Variants in HOXC4 observed in about 807,000 individuals in gnomAD.
HOXC4 encodes the protein homeobox protein Hox-C4.
A neutral mutation model predicts 25.5 loss-of-function variants in HOXC4; 15 were observed. The ratio of observed to expected loss-of-function variants is 0.59; its 90% confidence interval spans 0.39 to 0.91. HOXC4 has a LOEUF of 0.91. HOXC4 is among the 40% of genes least tolerant of loss of function. HOXC4 has a pLI of 0.00. For missense variants in HOXC4, 342 were observed against 352.4 expected (o/e 0.97, Z 0.24); for synonymous variants, 165 against 148.0 (o/e 1.11, Z -0.83).
Position 54,054,168 on chromosome 12 carries a change from G to T in HOXC4, c.246G>T (p.Gly82=), listed in dbSNP as rs748541582. The part of the protein sequence containing the change: ...LQGPGNSRGH[G]PAQAGHHHPE... ...GGCCCGGCAATTCGCGAGGCCACGG[G>T]CCGGCCCAGGCGGGCCACCACCACC... Residue 82 remains glycine, a synonymous_variant, in exon 1 of 2, where the codon GGG becomes GGT. Transcript: ENST00000430889. 8 of 1,613,524 alleles carry T rather than the reference G, an allele frequency of 5.0e-6. No individual in the cohort carries two copies. The African/African-American group carries it at 8.0e-5, about 16-fold the overall frequency.
chr12:54,044,095 C>T (rs1173728668), intron 1 of HOXC4, among the ~76,000 whole-genome samples: 1 of 151,920 alleles, frequency 6.6e-6, no homozygotes, highest in Non-Finnish European at 1.5e-5. Context: ...AAGACAGGGT[C>T]ATAAACGCCT....
upstream of HOXC4, among the ~76,000 whole-genome samples, chr12:54,052,240 CAA>C (rs1453509859): frequency 6.6e-6 from 1 of 152,192 alleles, no homozygotes; most frequent in Non-Finnish European, 1.5e-5. Flanking sequence ...GCCGCCGACA[CAA>C]AGAGTGCGGG....
At chr12:54,040,836 T>C (rs1195978832) in intron 1 of HOXC4, among the ~76,000 whole-genome samples, 1 of 152,208 alleles carries the variant, frequency 6.6e-6, no homozygotes, top group East Asian at 1.9e-4. Flanking sequence ...AGCCATTAGC[T>C]TTATCAGACT....
rs145979399 is a variant in HOXC4, at chr12:54,043,357, G to A, written c.-123-9803G>A. 3.0e-3 allele frequency among the ~76,000 whole-genome samples: 464 copies of A among 152,280 alleles called. 4 individuals carry two copies. Among genetic ancestry groups the A allele is most frequent in the African/African-American group, 0.011 (451 of 41,548 alleles). On this transcript the variant is annotated intron_variant, in intron 1 of 3. Transcript: ENST00000303406. ...GTTCTGCACCACAGGTCTCAGAGAG[G>A]CAGTTCAGGCTTGGTTCTGCCCTCT...
intron 1 of HOXC4, among the ~76,000 whole-genome samples, chr12:54,048,517 T>C (rs1439941875): frequency 6.6e-6 from 1 of 152,208 alleles, no homozygotes; most frequent in Non-Finnish European, 1.5e-5. Context: ...TCTTTGGGAA[T>C]TGAGTTTTTC....
intron 1 of HOXC4, chr12:54,033,705 TC>T: frequency 1.3e-6 from 1 of 799,330 alleles, no homozygotes; most frequent in African/African-American, 1.7e-5. Flanking sequence ...CGTAAAACTG[TC>T]CACTAAAAGG....
intron 1 of HOXC4, among the ~76,000 whole-genome samples, chr12:54,023,916 C>T (rs530578575): frequency 2.2e-4 from 34 of 152,282 alleles, no homozygotes; most frequent in South Asian, 1.9e-3. Flanking sequence ...TCTGGCAGAC[C>T]AGGAGGCTCT....
intron 1 of HOXC4, among the ~76,000 whole-genome samples, chr12:54,041,409 A>T (rs1941269577): frequency 6.6e-6 from 1 of 152,044 alleles, no homozygotes; most frequent in African/African-American, 2.4e-5. Context: ...GCCCTCTTTG[A>T]GCTAAGGGGC....
intron 1 of HOXC4, chr12:54,032,795 CT>C (rs113659413): frequency 0.022 from 3,458 of 156,834 alleles, 150 homozygotes; most frequent in East Asian, 0.16. Flanking sequence ...TTCCAAGAAC[CT>C]TTTTTTTTTT....
At chr12:54,031,119 G>T (rs1940969159) in intron 1 of HOXC4, among the ~76,000 whole-genome samples, 1 of 152,380 alleles carries the variant, frequency 6.6e-6, no homozygotes, top group East Asian at 1.9e-4. Flanking sequence ...CCAACCCCAC[G>T]CAGGCCTTTC....
chr12:54,030,844 C>T (rs1940959479), intron 1 of HOXC4: 1 of 152,222 alleles, frequency 6.6e-6, no homozygotes. Context: ...TCTGTTAATT[C>T]GCTCGCCCGC....
rs542883024 is a variant in HOXC4 at position 54,034,355 on chromosome 12, C to T, written c.-124+16941C>T. 49 of 1,614,214 alleles carry T rather than the reference C, an allele frequency of 3.0e-5. No individual in the cohort carries two copies. In the South Asian group the frequency reaches 5.4e-4, roughly 18 times the overall value. On this transcript the variant is annotated intron_variant, in intron 1 of 3. Transcript: ENST00000303406. The stretch of plus-strand genomic sequence containing the variant: ...ACTCGAGAAAGAATTCCACTTTAAC[C>T]GCTACCTCACTCGCCGCAGGCGCAT...
chr12:54,052,569 T>TGGGG (rs760468397), upstream of HOXC4, among the ~76,000 whole-genome samples: 15 of 126,190 alleles, frequency 1.2e-4, no homozygotes, highest in African/African-American at 4.2e-4. Context: ...CACCCCTAGC[T>TGGGG]GGGGGGGGGG....
At chr12:54,046,087 A>G (rs1306075040) in intron 1 of HOXC4, among the ~76,000 whole-genome samples, 1 of 152,078 alleles carries the variant, frequency 6.6e-6, no homozygotes, top group Non-Finnish European at 1.5e-5. Context: ...AAAAGGGATC[A>G]AGTCCCCAAC....
At chr12:54,028,866 C>T (rs781639621) in intron 1 of HOXC4, 3 of 1,613,842 alleles carry the variant, frequency 1.9e-6, no homozygotes, top group African/African-American at 1.3e-5. Flanking sequence ...CGCCCCAGGA[C>T]CAGAAAGCCA....
chr12:54,034,505 AG>A (rs1328991958), intron 1 of HOXC4: 14 of 1,605,300 alleles, frequency 8.7e-6, no homozygotes, highest in Non-Finnish European at 1.1e-5. Context: ...GCAGCGGGGG[AG>A]GCCCGCAGAG....
At chr12:54,033,008 A>T in intron 1 of HOXC4, 1 of 769,518 alleles carries the variant, frequency 1.3e-6, no homozygotes, top group East Asian at 2.6e-5. Context: ...AAAGAAAGAG[A>T]TATCTCCACC....
chr12:54,039,713 T>C (rs192883873), intron 1 of HOXC4, among the ~76,000 whole-genome samples: 1 of 152,152 alleles, frequency 6.6e-6, no homozygotes, highest in East Asian at 1.9e-4. Flanking sequence ...GAGTTTCTCT[T>C]GGTCTGTAAC....
chr12:54,036,544 AG>A (rs1327739194), intron 1 of HOXC4, among the ~76,000 whole-genome samples: 1 of 152,174 alleles, frequency 6.6e-6, no homozygotes. Flanking sequence ...CTTGGCACAT[AG>A]GCAGTCTCAA....
Sources: gnomAD v4.1 joint callset for allele counts (sites outside exome capture counted in the v4.1 genomes callset) on GRCh38, gnomAD v4.1.1 for gene constraint, MANE v1.5 for transcripts, NCBI Gene and HGNC (gene_info 2026-07-23, HGNC 2026-07-21) for gene names.